CEP83: variants seen among roughly 807,000 people sequenced by gnomAD.
The protein encoded by CEP83 is centrosomal protein 83, also known as centrosomal protein of 83 kDa.
Under a neutral mutation model 101.9 loss-of-function variants are expected in CEP83, and 70 were observed. The ratio of observed to expected loss-of-function variants is 0.69; its 90% CI spans 0.57 to 0.84. CEP83 has a LOEUF of 0.84. Ranked by LOEUF, CEP83 falls within the 40% of genes least tolerant of loss-of-function variation. CEP83 has a pLI of 0.00. For synonymous variants in CEP83, 264 were observed against 267.9 expected (o/e 0.99, Z 0.14); for missense variants, 715 against 787.2 (o/e 0.91, Z 1.10).
At chr12:94,438,603 T>C (rs896582476) in intron 1 of CEP83, among the ~76,000 whole-genome samples, 1 of 152,072 alleles carries the variant, frequency 6.6e-6, no homozygotes, top group African/African-American at 2.4e-5. Context: ...GTGAGAGACT[T>C]CAATACTCCA....
intron 11 of CEP83, among the ~76,000 whole-genome samples, chr12:94,339,042 G>A (rs1400318894): frequency 2.0e-5 from 3 of 150,552 alleles, no homozygotes; most frequent in African/African-American, 4.9e-5. Context: ...TCAGCTCACC[G>A]CAACCTCCGC....
At position 94,451,222 on chromosome 12, in the gene CEP83, C is replaced by T. The variant is rs1344691545; in HGVS notation, c.-155+8335G>A. On this transcript the variant is annotated intron_variant, in intron 1 of 16. Coordinates refer to ENST00000397809, the MANE Select transcript of CEP83 (RefSeq NM_016122.3). ...AGAGCTCAAAGAAGACCTTTGGGAG[C>T]TCAAAGAAAAATCTTTGGGACCTTG... is the stretch of plus-strand genomic sequence containing the variant. Among the ~76,000 whole-genome samples, 4 of 152,002 alleles carry T rather than the reference C, an allele frequency of 2.6e-5. No individual in the cohort carries two copies. The East Asian group carries it at 7.7e-4, about 29-fold the overall frequency.
intron 1 of CEP83, among the ~76,000 whole-genome samples, chr12:94,450,465 G>C (rs2067168429): frequency 6.6e-6 from 1 of 152,176 alleles, no homozygotes; most frequent in African/African-American, 2.4e-5. Flanking sequence ...TGTTAGCCAA[G>C]ATGGTCTCGA....
At chr12:94,360,828 T>C (rs1324617496) in intron 11 of CEP83, among the ~76,000 whole-genome samples, 1 of 152,128 alleles carries the variant, frequency 6.6e-6, no homozygotes, top group Non-Finnish European at 1.5e-5. Flanking sequence ...GTTGGAGCTA[T>C]CTATCACACT....
chr12:94,295,668 C>T, the CEP83 span, among the ~76,000 whole-genome samples: 303 of 152,144 alleles, frequency 2.0e-3, 1 homozygote, highest in Non-Finnish European at 3.8e-3. Context: ...ATGAACCCAA[C>T]GATTATCCTT....
At chr12:94,409,511 C>A (rs189113932) in intron 4 of CEP83, among the ~76,000 whole-genome samples, 32 of 152,242 alleles carry the variant, frequency 2.1e-4, no homozygotes, top group Admixed American at 1.8e-3. Context: ...TTAAAAAGTT[C>A]ACCAGGTTCT....
rs1265081789 is a variant in CEP83, at chr12:94,400,872, C to T, written c.527G>A (p.Gly176Glu). 2 of 1,477,842 alleles carry T rather than the reference C, an allele frequency of 1.4e-6. No homozygotes were observed. The highest frequency in any genetic ancestry group is 1.8e-6 in the Non-Finnish European group (2 of 1,111,424). 91.5% of individuals were successfully genotyped at this position (1,477,842 alleles called of 1,614,324 possible). A position where few individuals can be genotyped will look rare whatever the true frequency, so the allele number is the denominator to read the frequency against. Residue 176 changes from glycine to glutamate, a missense_variant, in exon 6 of 17, where the codon GGA becomes GAA. Transcript: ENST00000397809. ...TACCTCTGATTCATATTTTATTTTT[C>T]CTTCATCTAAAATACGTGCATACTC... ...KEEYARILDE[G>E]KIKYESEIAR...
At chr12:94,336,211 T>C (rs1034586019) in intron 11 of CEP83, among the ~76,000 whole-genome samples, 1 of 152,172 alleles carries the variant, frequency 6.6e-6, no homozygotes, top group African/African-American at 2.4e-5. Flanking sequence ...ATCCCTGAGA[T>C]GAATGAATAC....
the CEP83 span, chr12:94,281,939 A>G: frequency 1.2e-5 from 3 of 248,272 alleles, no homozygotes; most frequent in East Asian, 1.1e-4. Context: ...GCCTACAGAG[A>G]TGGTTCATAT....
intron 14 of CEP83, among the ~76,000 whole-genome samples, chr12:94,326,401 T>G (rs369594892): frequency 6.6e-6 from 1 of 152,114 alleles, no homozygotes; most frequent in Non-Finnish European, 1.5e-5. Context: ...AGTCAGAATA[T>G]AGGTGACTCA....
At chr12:94,305,559 G>A (rs541050340), downstream of CEP83, 10 of 362,522 alleles carry the variant, frequency 2.8e-5, no homozygotes, top group Admixed American at 2.2e-4. Context: ...GCCAGTAAGC[G>A]AATGTCAGTA....
chr12:94,424,172 T>TA (rs1241973823), intron 2 of CEP83: 1 of 1,604,308 alleles, frequency 6.2e-7, no homozygotes, highest in African/African-American at 1.3e-5. Context: ...GGTGATGTTA[T>TA]AAGGGGCTGG....
the CEP83 span, chr12:94,282,488 C>T: frequency 5.8e-6 from 5 of 869,254 alleles, no homozygotes; most frequent in Admixed American, 8.8e-5. Context: ...AGGACTCCCA[C>T]CCATTTCCTG....
rs367752452 is a variant in CEP83 at position 94,334,054 on chromosome 12, A to C, written c.1420-415T>G. On this transcript the variant is annotated intron_variant, in intron 12 of 16. Transcript: ENST00000397809. ...AGCAAGTCAGCTGGGAAAGCAGCTAAAAAAAAAAATCCATCCTCCTCTTCC... is the reference window on the plus strand; with the variant it reads ...AGCAAGTCAGCTGGGAAAGCAGCTACAAAAAAAAATCCATCCTCCTCTTCC... 5.7e-5 allele frequency among the ~76,000 whole-genome samples: 7 copies of C among 123,598 alleles called. 1 individual carries two copies. Among genetic ancestry groups the C allele is most frequent in the African/African-American group, 2.5e-4 (7 of 28,492 alleles). The allele number at this position is 123,598 out of a possible 152,430, so 81.1% of individuals were successfully genotyped here. A position where few individuals can be genotyped will look rare whatever the true frequency, so the allele number is the denominator to read the frequency against.
chr12:94,339,040 C>T (rs1222741029), intron 11 of CEP83, among the ~76,000 whole-genome samples: 1 of 151,740 alleles, frequency 6.6e-6, no homozygotes, highest in Non-Finnish European at 1.5e-5. Context: ...TCTCAGCTCA[C>T]CGCAACCTCC....
At chr12:94,454,479 T>G (rs980500115) in intron 1 of CEP83, among the ~76,000 whole-genome samples, 28 of 152,128 alleles carry the variant, frequency 1.8e-4, no homozygotes, top group African/African-American at 6.3e-4. Context: ...CAATCAGCAC[T>G]CTGTAAAAAC....
rs766871828 is a variant in CEP83 at position 94,369,982 on chromosome 12, T to A, written c.988A>T (p.Thr330Ser). 1.9e-6 allele frequency: 3 copies of A among 1,611,676 alleles called. No individual in the cohort carries two copies. The South Asian group carries it at 3.3e-5, about 18-fold the overall frequency. Residue 330 changes from threonine (T) to serine (S), a missense_variant, in exon 9 of 17, where the codon ACA (threonine) becomes TCA (serine). Physicochemically the swap from Thr to Ser is moderately conservative, Grantham distance 58. Coordinates refer to ENST00000397809, the MANE Select transcript of CEP83 (RefSeq NM_016122.3). ...KLEITDIKLETARAKSELERE... is the reference protein window; with the variant it reads ...KLEITDIKLESARAKSELERE... ...TCTAGCTCACTCTTAGCTCTTGCTG[T>A]CTCCAGTTTGATGTCTGTTATTTCC...
At chr12:94,337,894 A>G (rs1439162409) in intron 11 of CEP83, among the ~76,000 whole-genome samples, 1 of 152,208 alleles carries the variant, frequency 6.6e-6, no homozygotes, top group African/African-American at 2.4e-5. Context: ...TACCGGAATT[A>G]TAAGATGGCA....
At chr12:94,374,114 CG>C (rs1566017659) in intron 8 of CEP83, among the ~76,000 whole-genome samples, 4 of 151,936 alleles carry the variant, frequency 2.6e-5, no homozygotes, top group African/African-American at 9.7e-5. Flanking sequence ...CTTTCTTCAG[CG>C]GAGTAGGAGA....
Sources: allele counts gnomAD v4.1 joint callset (sites outside exome capture counted in the v4.1 genomes callset), GRCh38; gene constraint gnomAD v4.1.1; transcripts MANE v1.5; gene names NCBI Gene and HGNC (gene_info 2026-07-23, HGNC 2026-07-21).